Variants in COPS7A observed in about 807,000 individuals in gnomAD.
COPS7A encodes the protein COP9 signalosome complex subunit 7a.
A neutral mutation model predicts 35.2 loss-of-function variants in COPS7A; 20 were observed. The ratio of observed to expected loss-of-function variants is 0.57; its 90% CI spans 0.40 to 0.83. COPS7A has a LOEUF of 0.83. COPS7A is among the 40% of genes least tolerant of loss of function. The pLI, the probability that COPS7A is intolerant of heterozygous loss-of-function variation, is 0.00. For synonymous variants in COPS7A, 139 were observed against 141.4 expected, an observed-to-expected ratio of 0.98 and a Z score of 0.12; for missense variants, 247 against 347.5, an observed-to-expected ratio of 0.71 and a Z score of 2.30.
chr12:6,724,905 C>A (rs1322861552), intron 2 of COPS7A, 87 bp downstream of exon 2: 2 of 1,388,114 alleles, frequency 1.4e-6, no homozygotes, highest in African/African-American at 2.9e-5. Context: ...TTTTGTGATC[C>A]AATAACCATT....
rs1941333241 is a variant in COPS7A at position 6,729,276 on chromosome 12, T to C, written c.357T>C (p.Ala119=). Residue 119 remains alanine (A), a synonymous_variant, in exon 5 of 8, where the codon GCT becomes GCC. Coordinates refer to ENST00000543155, the MANE Select transcript of COPS7A (RefSeq NM_001164094.2). This position sits in a 1 kb window ranked among gnomAD's most constrained non-coding sequence, Gnocchi z 4.2. ...TCCCATATGCAGTGTTGCTGGAGGC[T>C]CTTGCCCTGCGTAATGTGCGGCAGC... ...KCIPYAVLLE[A]LALRNVRQLE... is the part of the protein sequence containing the mutation. 1 of 1,614,050 alleles carries C rather than the reference T, an allele frequency of 6.2e-7. No individual in the cohort carries two copies.
intron 3 of COPS7A, 77 bp downstream of exon 3, chr12:6,728,078 C>CTGGGATCTAAG: frequency 6.6e-7 from 1 of 1,522,100 alleles, no homozygotes; most frequent in Non-Finnish European, 9.1e-7. Flanking sequence ...GAAGAAATTC[C>CTGGGATCTAAG]TGGGATATCC....
chr12:6,726,685 A>C (rs79328327), intron 2 of COPS7A, among the ~76,000 whole-genome samples: 2 of 149,792 alleles, frequency 1.3e-5, no homozygotes, highest in Non-Finnish European at 3.0e-5. Context: ...AAAAAAAAAA[A>C]GGGAGGCGGA....
At chr12:6,730,350 T>C (rs762166396) in intron 5 of COPS7A, 52 bp from the exon 6 acceptor site, 19 of 1,558,550 alleles carry the variant, frequency 1.2e-5, no homozygotes, top group Non-Finnish European at 1.7e-5. Context: ...TTTCTGTGAG[T>C]CTGTGATCGC....
At position 6,729,441 on chromosome 12, in the gene COPS7A, G is replaced by A. The variant is rs756312733; in HGVS notation, c.522G>A (p.Leu174=). The A allele has an allele frequency of 1.2e-6, 2 of 1,613,526 alleles. No homozygotes were observed. The highest frequency in any genetic ancestry group is 1.1e-5 in the South Asian group (1 of 91,076). ...ACCTCAGTGCCATTGCCCGAACCCTGCAGGAATGGTGAGAACCGTATCCTG... is the reference window on the plus strand; with the variant it reads ...ACCTCAGTGCCATTGCCCGAACCCTACAGGAATGGTGAGAACCGTATCCTG... ...RQDLSAIART[L]QEWCVGCEVV... Residue 174 remains leucine, a synonymous_variant, in exon 5 of 8, where the codon CTG becomes CTA. Coordinates refer to ENST00000543155, the MANE Select transcript of COPS7A (RefSeq NM_001164094.2). The surrounding 1 kb of genome is among the most constrained non-coding windows in gnomAD (Gnocchi z 4.2).
At chr12:6,724,410 G>A (rs763862256) in intron 1 of COPS7A, 43 of 551,058 alleles carry the variant, frequency 7.8e-5, no homozygotes, top group Non-Finnish European at 1.1e-4. Context: ...GGGGCTTGGG[G>A]TTAGGCCCAG....
intron 2 of COPS7A, among the ~76,000 whole-genome samples, chr12:6,726,824 T>C (rs980025404): frequency 2.0e-5 from 3 of 152,130 alleles, no homozygotes; most frequent in African/African-American, 4.8e-5. Flanking sequence ...GGTCTGGGAA[T>C]ACAAGAAAAG....
At chr12:6,728,412 G>C in intron 4 of COPS7A, 101 bp downstream of exon 4, 1 of 858,310 alleles carries the variant, frequency 1.2e-6, no homozygotes, top group South Asian at 1.6e-5. Flanking sequence ...GCTGCTTCCT[G>C]CCCTCCCCTC....
rs1465561032 is a variant in COPS7A at position 6,724,677 on chromosome 12, G to C, written c.21G>C (p.Val7=). ...CAGTGATGAGTGCGGAAGTGAAGGT[G>C]ACAGGGCAGAACCAGGAGCAATTTC... MSAEVK[V]TGQNQEQFLL... Residue 7 remains valine (V), a synonymous_variant, in exon 2 of 8, where the codon GTG becomes GTC. Transcript: ENST00000543155. 6.2e-7 allele frequency: 1 copy of C among 1,614,122 alleles called. No individual in the cohort carries two copies. Among genetic ancestry groups the C allele is most frequent in the Non-Finnish European group, 8.5e-7 (1 of 1,180,022 alleles).
At chr12:6,724,465 G>A in intron 1 of COPS7A, 149 bp from the exon 2 acceptor site, 1 of 701,568 alleles carries the variant, frequency 1.4e-6, no homozygotes, top group South Asian at 1.6e-5. Context: ...CTGACTTTAG[G>A]ATTCCTAGAT....
intron 2 of COPS7A, among the ~76,000 whole-genome samples, chr12:6,727,161 AC>A (rs1941278195): frequency 6.6e-6 from 1 of 152,064 alleles, no homozygotes; most frequent in Admixed American, 6.6e-5. Context: ...ATGTGGCGAA[AC>A]CCTGTTTCTA....
At position 6,731,514 on chromosome 12, in the gene COPS7A, C is replaced by A; in HGVS notation, c.*475C>A. 4.4e-6 allele frequency: 1 copy of A among 228,464 alleles called. No individual in the cohort carries two copies. Among genetic ancestry groups the A allele is most frequent in the Non-Finnish European group, 8.3e-6 (1 of 120,134 alleles). The allele number at this position is 228,464 out of a possible 1,614,324, so 14.2% of individuals were successfully genotyped here. A position where few individuals can be genotyped will look rare whatever the true frequency, so the allele number is the denominator to read the frequency against. The stretch of plus-strand genomic sequence containing the variant: ...CACCTTTACTCACACCCTGAGAATT[C>A]TGGGAGCCAGTCTGCCATGCCAGGA... On this transcript the variant is annotated 3_prime_UTR_variant, in exon 8 of 8. Coordinates refer to ENST00000543155, the MANE Select transcript of COPS7A (RefSeq NM_001164094.2).
intron 2 of COPS7A, 124 bp downstream of exon 2, chr12:6,724,942 T>A: frequency 1.9e-6 from 2 of 1,050,262 alleles, no homozygotes; most frequent in Non-Finnish European, 2.8e-6. Flanking sequence ...CAGTGATAAT[T>A]AAATGCCAAC....
At chr12:6,724,268 T>G (rs1592464531) in intron 1 of COPS7A, 89 bp downstream of exon 1, 4 of 368,950 alleles carry the variant, frequency 1.1e-5, no homozygotes, top group African/African-American at 2.2e-5. Context: ...TCAATGGGGG[T>G]GAGGTCACGT....
Position 6,728,066 on chromosome 12 carries a change from CAG to C in COPS7A, c.238+67_238+68del, listed in dbSNP as rs763688745. The C allele has an allele frequency of 5.6e-4, 866 of 1,554,232 alleles. 10 individuals carry two copies. Among genetic ancestry groups the C allele is most frequent in the Non-Finnish European group, 1.6e-4 (179 of 1,126,082 alleles). On this transcript the variant is annotated intron_variant, in intron 3 of 7. Transcript: ENST00000543155. ...GAGAAGGGCAATTTCTGGAGGGACTCAGAAGAAATTCCTGGGATATCCCACTT... is the reference window on the plus strand; with the variant it reads ...GAGAAGGGCAATTTCTGGAGGGACTCAAGAAATTCCTGGGATATCCCACTT...
intron 4 of COPS7A, among the ~76,000 whole-genome samples, chr12:6,728,618 C>G (rs1490382585): frequency 6.6e-6 from 1 of 152,178 alleles, no homozygotes; most frequent in African/African-American, 2.4e-5. Context: ...AAACAGGGCT[C>G]TCCTGATGAA....
chr12:6,724,847 A>G, intron 2 of COPS7A, 29 bp downstream of exon 2: 1 of 1,610,106 alleles, frequency 6.2e-7, no homozygotes, highest in Non-Finnish European at 8.5e-7. Flanking sequence ...TAGCCCTCAG[A>G]GAAGCGTGGG....
At chr12:6,726,041 A>G (rs2137747046) in intron 2 of COPS7A, 1 of 391,084 alleles carries the variant, frequency 2.6e-6, no homozygotes, top group Non-Finnish European at 5.2e-6. Flanking sequence ...AGGGCTGGGC[A>G]CGGTGGCTCA....
intron 2 of COPS7A, chr12:6,726,074 G>T (rs1477711926): frequency 6.3e-5 from 23 of 365,870 alleles, no homozygotes; most frequent in South Asian, 4.3e-4. Context: ...CAGCACTTTG[G>T]GAGGCTGAGG....
Sources: allele counts gnomAD v4.1 joint callset (sites outside exome capture counted in the v4.1 genomes callset), GRCh38; gene constraint gnomAD v4.1.1; non-coding constraint Gnocchi (gnomAD v3.1); transcripts MANE v1.5; gene names NCBI Gene and HGNC (gene_info 2026-07-23, HGNC 2026-07-21).